The following TXNDC11 variants were observed in gnomAD, a reference collection of about 807,000 sequenced individuals.
TXNDC11 encodes thioredoxin domain-containing protein 11.
A neutral mutation model predicts 78.0 loss-of-function variants in TXNDC11; 68 were observed. The observed-to-expected ratio is 0.87, with a 90% CI of 0.72 to 1.07. TXNDC11 has a LOEUF of 1.07. TXNDC11 is among the 50% of genes least tolerant of loss of function. TXNDC11 has a pLI of 0.00. For synonymous variants in TXNDC11, 571 were observed against 495.2 expected (o/e 1.15, Z -2.03); for missense variants, 1,389 against 1,221.8 (o/e 1.14, Z -2.04).
intron 7 of TXNDC11, among the ~76,000 whole-genome samples, chr16:11,692,540 A>C (rs1329933467): frequency 3.9e-5 from 6 of 152,142 alleles, no homozygotes; most frequent in Non-Finnish European, 7.3e-5. Context: ...AAAAAAAAAG[A>C]GGTAAGGATG....
chr16:11,736,138 T>G lies in TXNDC11; in HGVS notation c.350A>C (p.Tyr117Ser). The part of the protein sequence containing the change: ...VLDLFQGQLD[Y>S]AEYVRRDSEV... ...TGAATCCCGTCGAACGTACTCTGCA[T>G]AATCCAGCTGCCCCTGGAAGAGGTC... Residue 117 changes from tyrosine (Y) to serine (S), a missense_variant, in exon 2 of 12, where the codon TAT becomes TCT. By Grantham distance (144) the Tyr-to-Ser change is moderately radical. Coordinates refer to ENST00000283033, the MANE Select transcript of TXNDC11 (RefSeq NM_015914.7). 1.2e-6 allele frequency: 2 copies of G among 1,614,170 alleles called. No homozygotes were observed. Among genetic ancestry groups the G allele is most frequent in the Non-Finnish European group, 1.7e-6 (2 of 1,179,984 alleles).
chr16:11,699,709 A>AG (rs1212213390), intron 6 of TXNDC11, among the ~76,000 whole-genome samples: 1 of 152,224 alleles, frequency 6.6e-6, no homozygotes, highest in Non-Finnish European at 1.5e-5. Context: ...CATTGTGCCA[A>AG]GGGGGGCGCA....
chr16:11,697,674 G>A (rs984959600), intron 7 of TXNDC11, among the ~76,000 whole-genome samples: 10 of 152,194 alleles, frequency 6.6e-5, no homozygotes, highest in African/African-American at 1.4e-4. Flanking sequence ...GCTGCTGCTC[G>A]CTCTCCTCTG....
chr16:11,700,679 C>A, intron 5 of TXNDC11, 115 bp from the exon 6 acceptor site: 2 of 585,142 alleles, frequency 3.4e-6, no homozygotes, highest in Non-Finnish European at 6.1e-6. Context: ...CTTCTGGTAA[C>A]CTAGCCTAGA....
At chr16:11,718,310 T>C (rs576213741) in intron 5 of TXNDC11, among the ~76,000 whole-genome samples, 2 of 152,370 alleles carry the variant, frequency 1.3e-5, no homozygotes, top group Admixed American at 6.5e-5. Flanking sequence ...GCATGTGTAT[T>C]GTATAAATGC....
At chr16:11,701,621 C>T (rs921903299) in intron 5 of TXNDC11, among the ~76,000 whole-genome samples, 2 of 151,808 alleles carry the variant, frequency 1.3e-5, no homozygotes, top group Non-Finnish European at 2.9e-5. Context: ...ATGGACAAAC[C>T]ACAGAAAAGG....
intron 7 of TXNDC11, among the ~76,000 whole-genome samples, chr16:11,695,048 T>C (rs2050822946): frequency 6.6e-6 from 1 of 152,220 alleles, no homozygotes; most frequent in Non-Finnish European, 1.5e-5. Context: ...TAAACACCTT[T>C]AAAATAGGAA....
intron 5 of TXNDC11, among the ~76,000 whole-genome samples, chr16:11,705,805 T>C (rs533234862): frequency 9.2e-5 from 14 of 152,296 alleles, no homozygotes; most frequent in African/African-American, 3.1e-4. Flanking sequence ...CAGCTTAAAT[T>C]TGCAGTCTCA....
intron 4 of TXNDC11, among the ~76,000 whole-genome samples, chr16:11,727,254 T>A (rs1385511891): frequency 1.3e-5 from 2 of 151,850 alleles, no homozygotes; most frequent in African/African-American, 4.8e-5. Flanking sequence ...AATTTTTTTT[T>A]AAAACAAGGA....
chr16:11,703,811 G>A, intron 5 of TXNDC11: 2 of 689,614 alleles, frequency 2.9e-6, no homozygotes, highest in Admixed American at 2.0e-5. Flanking sequence ...AAAGAAGTGG[G>A]CTGGGCATGG....
intron 2 of TXNDC11, among the ~76,000 whole-genome samples, chr16:11,734,374 G>A (rs545632616): frequency 1.3e-5 from 2 of 152,138 alleles, no homozygotes; most frequent in Admixed American, 1.3e-4. Context: ...TTTCCCTACT[G>A]AGTACATGGA....
intron 7 of TXNDC11, among the ~76,000 whole-genome samples, chr16:11,692,539 G>C (rs932823497): frequency 2.0e-5 from 3 of 152,102 alleles, no homozygotes; most frequent in African/African-American, 7.2e-5. Context: ...GAAAAAAAAA[G>C]AGGTAAGGAT....
At chr16:11,680,969 C>G (rs1371484772) in intron 11 of TXNDC11, among the ~76,000 whole-genome samples, 2 of 151,998 alleles carry the variant, frequency 1.3e-5, no homozygotes, top group East Asian at 3.8e-4. Context: ...GAGTTTGAGA[C>G]CAGCCTGGAC....
intron 10 of TXNDC11, among the ~76,000 whole-genome samples, chr16:11,687,223 A>AT (rs2050589561): frequency 6.6e-6 from 1 of 151,416 alleles, no homozygotes; most frequent in South Asian, 2.1e-4. Context: ...AGCAAATCCT[A>AT]TTTTTTGTTT....
At chr16:11,696,336 G>A (rs759839963) in intron 7 of TXNDC11, among the ~76,000 whole-genome samples, 1 of 152,056 alleles carries the variant, frequency 6.6e-6, no homozygotes. Flanking sequence ...CCCCTGCCCG[G>A]AACCCCGCTT....
At chr16:11,682,142 C>T (rs1479180581) in intron 11 of TXNDC11, among the ~76,000 whole-genome samples, 1 of 152,220 alleles carries the variant, frequency 6.6e-6, no homozygotes, top group Non-Finnish European at 1.5e-5. Flanking sequence ...ACATGTTATC[C>T]AACAGCCTTT....
At chr16:11,726,219 A>T (rs930412901) in intron 4 of TXNDC11, among the ~76,000 whole-genome samples, 1 of 115,178 alleles carries the variant, frequency 8.7e-6, no homozygotes, top group African/African-American at 3.2e-5. Context: ...ATGGTTAATG[A>T]TTAGCGCAAT....
At chr16:11,684,492 C>T (rs571118409) in intron 10 of TXNDC11, among the ~76,000 whole-genome samples, 173 of 152,244 alleles carry the variant, frequency 1.1e-3, no homozygotes, top group African/African-American at 4.0e-3. Flanking sequence ...AATGAACTTG[C>T]AGAAAATGCC....
At chr16:11,709,130 T>C (rs573852661) in intron 5 of TXNDC11, among the ~76,000 whole-genome samples, 12 of 152,334 alleles carry the variant, frequency 7.9e-5, no homozygotes, top group African/African-American at 2.6e-4. Context: ...ATGTGCATAG[T>C]TTCAAACTTC....
Sources: allele counts gnomAD v4.1 joint callset (sites outside exome capture counted in the v4.1 genomes callset), GRCh38; gene constraint gnomAD v4.1.1; transcripts MANE v1.5; gene names NCBI Gene and HGNC (gene_info 2026-07-23, HGNC 2026-07-21).